The following MAP3K7CL variants were observed in gnomAD, a reference collection of about 807,000 sequenced individuals.
MAP3K7CL encodes MAP3K7 C-terminal like, also known as MAP3K7 C-terminal-like protein.
Under a neutral mutation model 18.6 loss-of-function variants are expected in MAP3K7CL, and 16 were observed. That is an observed-to-expected ratio of 0.86 (90% CI 0.58 to 1.31). The LOEUF (loss-of-function observed/expected upper bound fraction) is 1.31. Ranked by LOEUF, MAP3K7CL falls within the 50% of genes most tolerant of loss-of-function variation. MAP3K7CL has a pLI of 0.00. For synonymous variants in MAP3K7CL, 65 were observed against 66.8 expected, an observed-to-expected ratio of 0.97 and a Z score of 0.13; for missense variants, 163 against 174.4, an observed-to-expected ratio of 0.93 and a Z score of 0.37.
At chr21:29,155,900 G>C (rs1051965651) in intron 3 of MAP3K7CL, among the ~76,000 whole-genome samples, 1 of 152,230 alleles carries the variant, frequency 6.6e-6, no homozygotes, top group African/African-American at 2.4e-5. Flanking sequence ...CACCTCCTAA[G>C]AACTGGCTGC....
At chr21:29,114,234 A>G (rs2086467996) in intron 4 of MAP3K7CL, among the ~76,000 whole-genome samples, 1 of 151,650 alleles carries the variant, frequency 6.6e-6, no homozygotes, top group African/African-American at 2.4e-5. Context: ...ATGCCTAGCT[A>G]AATTTTGTAT....
At chr21:29,164,625 T>C (rs2832231) in intron 4 of MAP3K7CL, among the ~76,000 whole-genome samples, 71,788 of 152,084 alleles carry the variant, frequency 0.47, 18,690 homozygotes, top group African/African-American at 0.7. Flanking sequence ...TCATATCTGT[T>C]GGATGGAGAA....
At chr21:29,114,106 T>C (rs908419698) in intron 4 of MAP3K7CL, among the ~76,000 whole-genome samples, 2 of 152,076 alleles carry the variant, frequency 1.3e-5, no homozygotes, top group African/African-American at 4.8e-5. Context: ...TCTTGCTCTG[T>C]CACCCAGGCT....
chr21:29,078,803 G>A (rs758012422), intron 1 of MAP3K7CL, among the ~76,000 whole-genome samples: 7 of 152,230 alleles, frequency 4.6e-5, no homozygotes, highest in Admixed American at 1.3e-4. Flanking sequence ...GGGGAGACTC[G>A]GCCTACGACT....
upstream of MAP3K7CL, among the ~76,000 whole-genome samples, chr21:29,082,579 T>C (rs182737682): frequency 2.5e-3 from 385 of 152,190 alleles, 1 homozygote; most frequent in African/African-American, 8.4e-3. Context: ...CTCATGAAAG[T>C]AGAGGGTGCC....
chr21:29,083,721 T>C (rs2085875201), upstream of MAP3K7CL, among the ~76,000 whole-genome samples: 1 of 152,142 alleles, frequency 6.6e-6, no homozygotes, highest in African/African-American at 2.4e-5. Flanking sequence ...GGTTTTACTA[T>C]TTTCCTGATT....
chr21:29,115,916 A>G lies in MAP3K7CL; in HGVS notation c.370+23335A>G, dbSNP rs76480940. ...TGTAAACATTAATTGAATCTAAAAA[A>G]TGACAGAGGAGTAATCTGGGAACCA... On this transcript the variant is annotated intron_variant, in intron 4 of 6. Coordinates refer to the MAP3K7CL transcript ENST00000286791. Among the ~76,000 whole-genome samples, 7 of 152,260 alleles carry G rather than the reference A, an allele frequency of 4.6e-5. No homozygotes were observed. In the East Asian group the frequency reaches 1.3e-3, roughly 29 times the overall value.
At chr21:29,082,834 T>A (rs898928793), upstream of MAP3K7CL, among the ~76,000 whole-genome samples, 1 of 152,168 alleles carries the variant, frequency 6.6e-6, no homozygotes, top group South Asian at 2.1e-4. Flanking sequence ...ACAACTTCAT[T>A]CAACAAGTTT....
chr21:29,094,539 TAG>T (rs2086087099), intron 4 of MAP3K7CL, among the ~76,000 whole-genome samples: 1 of 152,230 alleles, frequency 6.6e-6, no homozygotes, highest in South Asian at 2.1e-4. Context: ...GTCGCTTTGA[TAG>T]ACTACTTTGC....
In MAP3K7CL at chr21:29,152,115, T is replaced by C. The variant is rs116723530; in HGVS notation, c.132+2865T>C. On this transcript the variant is annotated intron_variant, in intron 3 of 4. Transcript: ENST00000399928. ...GTTGAATGAAGGATAGGAGTGAGTGTTACAAACATTTACCAGTTGTCAAGG... is the reference window on the plus strand; with the variant it reads ...GTTGAATGAAGGATAGGAGTGAGTGCTACAAACATTTACCAGTTGTCAAGG... 6.8e-4 allele frequency among the ~76,000 whole-genome samples: 103 copies of C among 152,310 alleles called. 1 individual carries two copies. Among genetic ancestry groups the C allele is most frequent in the African/African-American group, 2.5e-3 (102 of 41,570 alleles).
rs111067038 is a variant in MAP3K7CL, at chr21:29,147,700, A to G, written c.71-1489A>G. ...CTATTGTATATGTATGTGTATGTGT[A>G]CTGTATGTGTATTTGTATTGTATAT... is the stretch of plus-strand genomic sequence containing the variant. On this transcript the variant is annotated intron_variant, in intron 2 of 4. Transcript: ENST00000399928. 8.1e-3 allele frequency among the ~76,000 whole-genome samples: 1,222 copies of G among 151,688 alleles called. 21 individuals carry two copies. Among genetic ancestry groups the G allele is most frequent in the African/African-American group, 0.028 (1,169 of 41,370 alleles).
chr21:29,102,469 CTCTCTCTCTT>C (rs2086247482), intron 4 of MAP3K7CL: 1 of 110,284 alleles, frequency 9.1e-6, no homozygotes, highest in African/African-American at 4.8e-5. Flanking sequence ...TTCTCTCTCT[CTCTCTCTCTT>C]TTTTTTTTTT....
intron 4 of MAP3K7CL, among the ~76,000 whole-genome samples, chr21:29,171,673 C>T (rs111560770): frequency 0.017 from 2,632 of 151,836 alleles, 78 homozygotes; most frequent in African/African-American, 0.06. Context: ...CCAAGTGTGG[C>T]GCACACACCT....
intron 2 of MAP3K7CL, among the ~76,000 whole-genome samples, chr21:29,148,193 A>G (rs759687496): frequency 1.3e-5 from 2 of 151,852 alleles, no homozygotes; most frequent in Admixed American, 1.3e-4. Flanking sequence ...TGTGTACTGT[A>G]TATATACCTG....
chr21:29,115,437 T>C (rs1601180621), intron 4 of MAP3K7CL, among the ~76,000 whole-genome samples: 2 of 152,014 alleles, frequency 1.3e-5, no homozygotes, highest in African/African-American at 2.4e-5. Flanking sequence ...AGGGCCTTAG[T>C]TGGAATTGCA....
At chr21:29,085,674 T>A, upstream of MAP3K7CL, 2 of 437,462 alleles carry the variant, frequency 4.6e-6, no homozygotes, top group Non-Finnish European at 8.1e-6. Context: ...GTAGAAAACC[T>A]CGTTCTCCCC....
At chr21:29,124,165 G>A (rs1353569927) in intron 4 of MAP3K7CL, among the ~76,000 whole-genome samples, 3 of 151,792 alleles carry the variant, frequency 2.0e-5, no homozygotes, top group Admixed American at 6.6e-5. Context: ...CCAGCCTGGC[G>A]AAGGTGGTGA....
At chr21:29,101,468 G>A (rs886992565) in intron 4 of MAP3K7CL, among the ~76,000 whole-genome samples, 3 of 152,184 alleles carry the variant, frequency 2.0e-5, no homozygotes, top group African/African-American at 7.2e-5. Flanking sequence ...GGTGTGCAGT[G>A]GCGCCATCTC....
At chr21:29,111,921 T>C (rs1418192640) in intron 4 of MAP3K7CL, among the ~76,000 whole-genome samples, 3 of 152,238 alleles carry the variant, frequency 2.0e-5, no homozygotes, top group Admixed American at 6.5e-5. Flanking sequence ...CTCATTCTTA[T>C]GTCTGCTTTC....
Sources: gnomAD v4.1 joint callset for allele counts (sites outside exome capture counted in the v4.1 genomes callset) on GRCh38, gnomAD v4.1.1 for gene constraint, MANE v1.5 for transcripts, NCBI Gene and HGNC (gene_info 2026-07-23, HGNC 2026-07-21) for gene names.